The following FAM133B variants were observed in gnomAD, a reference collection of about 807,000 sequenced individuals.
FAM133B encodes family with sequence similarity 133 member B, also known as protein FAM133B.
Under a neutral mutation model 46.4 loss-of-function variants are expected in FAM133B, and 25 were observed. That is an observed-to-expected ratio of 0.54 (90% CI 0.39 to 0.75). The LOEUF is 0.75. Among genes scored for constraint, FAM133B ranks in the 30% least tolerant of loss-of-function variants. FAM133B has a pLI of 0.00. For missense variants in FAM133B, 205 were observed against 277.6 expected (o/e 0.74, Z 1.86); for synonymous variants, 75 against 86.0 (o/e 0.87, Z 0.71).
At chr7:92,580,355 G>A (rs1011822413) in intron 2 of FAM133B, among the ~76,000 whole-genome samples, 39 of 152,014 alleles carry the variant, frequency 2.6e-4, no homozygotes, top group African/African-American at 9.4e-4. Flanking sequence ...TCGGCCTCCT[G>A]AAGTGCTGAA....
At position 92,564,523 on chromosome 7, in the gene FAM133B, GAACA is replaced by G. The variant is rs376049285; in HGVS notation, c.657+1487_657+1490del. 4.3e-3 allele frequency among the ~76,000 whole-genome samples: 648 copies of G among 152,238 alleles called. 3 individuals are homozygous for G. The highest frequency in any genetic ancestry group is 0.015 in the African/African-American group (619 of 41,524). ...TTCACCCAAACTACTTTCACATTCA[GAACA>G]AACAAACAAACAAACAAAAACTTAT... On this transcript the variant is annotated intron_variant, in intron 10 of 10. Transcript: ENST00000445716.
In FAM133B at chr7:92,581,579, C is replaced by T; in HGVS notation, c.49G>A (p.Ala17Thr). 1 of 1,613,788 alleles carries T rather than the reference C, an allele frequency of 6.2e-7. No homozygotes were observed. The highest frequency in any genetic ancestry group is 1.7e-5 in the Admixed American group (1 of 60,014). Residue 17 changes from alanine (A) to threonine (T), a missense_variant, in exon 2 of 11, where the codon GCG becomes ACG. Physicochemically the swap from Ala to Thr is moderately conservative, Grantham distance 58. Transcript: ENST00000445716. The part of the protein sequence containing the change: ...RVAYMNPIAM[A>T]RSRGPIQSSG... ...GACTGGATTGGACCCCTTGATCTCG[C>T]CATTGCTATTGGGTTCATATAGGCC... is the stretch of plus-strand genomic sequence containing the variant.
At position 92,581,536 on chromosome 7, in the gene FAM133B, T is replaced by G. The variant is rs1288237432; in HGVS notation, c.92A>C (p.Gln31Pro). 2.5e-6 allele frequency: 4 copies of G among 1,613,886 alleles called. No individual in the cohort carries two copies. The highest frequency in any genetic ancestry group is 3.4e-6 in the Non-Finnish European group (4 of 1,179,814). The stretch of plus-strand genomic sequence containing the variant: ...AGGCCTTGGTCGATTCAGATAATCC[T>G]GTATTGTTGGCCCTGAAGACTGGAT... Reference protein sequence around the residue: ...GPIQSSGPTIQDYLNRPRPTW... With the variant: ...GPIQSSGPTIPDYLNRPRPTW... The change falls in exon 2 of 11, where the codon CAG becomes CCG. Residue 31 changes from glutamine (Q) to proline (P), a missense_variant. Physicochemically the swap from Gln to Pro is moderately conservative, Grantham distance 76. Coordinates refer to ENST00000445716, the MANE Select transcript of FAM133B (RefSeq NM_152789.4).
intron 8 of FAM133B, among the ~76,000 whole-genome samples, chr7:92,575,113 TAAG>T (rs2116398969): frequency 6.6e-6 from 1 of 152,320 alleles, no homozygotes; most frequent in Admixed American, 6.5e-5. Context: ...TTTACAATAG[TAAG>T]AAGATTTTTC....
At chr7:92,565,424 G>C (rs1393350210) in intron 10 of FAM133B, 1 of 151,624 alleles carries the variant, frequency 6.6e-6, no homozygotes, top group Non-Finnish European at 1.5e-5. Flanking sequence ...AAAGTGCTGG[G>C]ATTACAGGCG....
chr7:92,565,941 T>G, intron 10 of FAM133B, 73 bp downstream of exon 10: 2 of 1,509,790 alleles, frequency 1.3e-6, no homozygotes, highest in Non-Finnish European at 1.8e-6. Context: ...CCAATCAAGC[T>G]TTACCATGAC....
intron 2 of FAM133B, among the ~76,000 whole-genome samples, chr7:92,580,644 C>A (rs1794840112): frequency 6.6e-6 from 1 of 152,172 alleles, no homozygotes; most frequent in Admixed American, 6.5e-5. Flanking sequence ...CTTGGTAGCC[C>A]TTCACAGTAA....
At chr7:92,579,548 T>C (rs1342371756) in intron 2 of FAM133B, among the ~76,000 whole-genome samples, 153 bp from the exon 3 acceptor site, 1 of 152,224 alleles carries the variant, frequency 6.6e-6, no homozygotes, top group African/African-American at 2.4e-5. Context: ...TTCACGTTTA[T>C]AAAAATAAAT....
At chr7:92,578,790 A>C (rs563578630) in intron 3 of FAM133B, among the ~76,000 whole-genome samples, 2 of 152,306 alleles carry the variant, frequency 1.3e-5, no homozygotes, top group East Asian at 1.9e-4. Context: ...TCACACCTGT[A>C]ATCACAGTAC....
chr7:92,567,275 A>C (rs1381869673), intron 9 of FAM133B, among the ~76,000 whole-genome samples: 2 of 152,244 alleles, frequency 1.3e-5, no homozygotes, highest in Non-Finnish European at 2.9e-5. Context: ...CTTTCGTATT[A>C]CATGTTAAGT....
At chr7:92,565,295 G>A (rs1456816209) in intron 10 of FAM133B, among the ~76,000 whole-genome samples, 1 of 147,360 alleles carries the variant, frequency 6.8e-6, no homozygotes, top group East Asian at 2.0e-4. Context: ...GATTACAGGC[G>A]CCCGCCACCA....
intron 9 of FAM133B, among the ~76,000 whole-genome samples, chr7:92,568,123 A>G (rs1232699321): frequency 3.3e-5 from 5 of 152,054 alleles, no homozygotes; most frequent in East Asian, 1.9e-4. Context: ...GGGTTTCGCT[A>G]TGTTGCCCAA....
chr7:92,562,364 T>G lies in FAM133B; in HGVS notation c.662A>C (p.Lys221Thr). 1 of 1,531,388 alleles carries G rather than the reference T, an allele frequency of 6.5e-7. No individual in the cohort carries two copies. Among genetic ancestry groups the G allele is most frequent in the Non-Finnish European group, 8.7e-7 (1 of 1,144,878 alleles). The allele number at this position is 1,531,388 out of a possible 1,614,324, so 94.9% of individuals were successfully genotyped here. A position where few individuals can be genotyped will look rare whatever the true frequency, so the allele number is the denominator to read the frequency against. ...SSEEREKATE[K>T]TKKKKKHKKH... ...CTTATGCTTCTTTTTCTTTTTTGTTTTTTCCTGTAAAGATAATTCCATGTT... is the reference window on the plus strand; with the variant it reads ...CTTATGCTTCTTTTTCTTTTTTGTTGTTTCCTGTAAAGATAATTCCATGTT... Residue 221 changes from lysine to threonine, a missense_variant, in exon 11 of 11, where the codon AAA (lysine) becomes ACA (threonine). Transcript: ENST00000445716.
chr7:92,578,297 AATAAACT>A lies in FAM133B; in HGVS notation c.276+15_276+21del, dbSNP rs1236640938. On this transcript the variant is annotated intron_variant, in intron 4 of 10. Coordinates refer to ENST00000445716, the MANE Select transcript of FAM133B (RefSeq NM_152789.4). ...ATCCAACTATGAGATTAAGAATAGC[AATAAACT>A]AAAAGTGGTATTACCTGTCTTTTTT... 1 of 1,610,714 alleles carries A rather than the reference AATAAACT, an allele frequency of 6.2e-7. No homozygotes were observed. The highest frequency in any genetic ancestry group is 8.5e-7 in the Non-Finnish European group (1 of 1,177,376).
chr7:92,562,380 A>T lies in FAM133B; in HGVS notation c.658-12T>A. 6.5e-7 allele frequency: 1 copy of T among 1,527,156 alleles called. No homozygotes were observed. The highest frequency in any genetic ancestry group is 1.4e-5 in the African/African-American group (1 of 72,352). The allele number at this position is 1,527,156 out of a possible 1,614,324, so 94.6% of individuals were successfully genotyped here. ...TTTTTTGTTTTTTCCTGTAAAGATAATTCCATGTTAGACATTACTATATAA... is the reference window on the plus strand; with the variant it reads ...TTTTTTGTTTTTTCCTGTAAAGATATTTCCATGTTAGACATTACTATATAA... On this transcript the variant is annotated splice_polypyrimidine_tract_variant and intron_variant, in intron 10 of 10. Transcript: ENST00000445716.
chr7:92,573,194 G>C (rs1415404012), intron 8 of FAM133B, among the ~76,000 whole-genome samples: 1 of 147,878 alleles, frequency 6.8e-6, no homozygotes, highest in Non-Finnish European at 1.5e-5. Flanking sequence ...AGAGATGGGG[G>C]TCTTACTCTG....
chr7:92,564,633 C>T (rs770433647), intron 10 of FAM133B, among the ~76,000 whole-genome samples: 11 of 152,138 alleles, frequency 7.2e-5, no homozygotes, highest in Non-Finnish European at 1.5e-4. Flanking sequence ...GAAGGTACCT[C>T]GTTTTAAGAG....
intron 1 of FAM133B, chr7:92,585,463 C>T: frequency 1.6e-6 from 1 of 641,224 alleles, no homozygotes; most frequent in Non-Finnish European, 1.9e-6. Flanking sequence ...CAAATATACA[C>T]ATATCAAGGA....
chr7:92,569,695 CATTTT>C, intron 9 of FAM133B, 123 bp downstream of exon 9: 1 of 449,468 alleles, frequency 2.2e-6, no homozygotes, highest in South Asian at 6.9e-5. Flanking sequence ...AAATAACTTT[CATTTT>C]GTTTTTTCAT....
Sources: gnomAD v4.1 joint callset for allele counts (sites outside exome capture counted in the v4.1 genomes callset) on GRCh38, gnomAD v4.1.1 for gene constraint, MANE v1.5 for transcripts, NCBI Gene and HGNC (gene_info 2026-07-23, HGNC 2026-07-21) for gene names.